The following NINL variants were observed in gnomAD, a reference collection of about 807,000 sequenced individuals.
NINL encodes the protein ninein-like protein.
Under a neutral mutation model 160.3 loss-of-function variants are expected in NINL, and 153 were observed. The ratio of observed to expected loss-of-function variants is 0.95; its 90% CI spans 0.84 to 1.09. The LOEUF is 1.09. NINL is among the 50% of genes least tolerant of loss of function. The pLI is 0.00. For synonymous variants in NINL, 800 were observed against 734.8 expected (o/e 1.09, Z -1.43); for missense variants, 1,829 against 1,764.0 (o/e 1.04, Z -0.66).
intron 1 of NINL, among the ~76,000 whole-genome samples, chr20:25,532,294 G>A (rs1193867635): frequency 6.6e-6 from 1 of 152,212 alleles, no homozygotes; most frequent in Non-Finnish European, 1.5e-5. Context: ...TTTCGAGGCT[G>A]GGCTAGGATT....
intron 1 of NINL, among the ~76,000 whole-genome samples, chr20:25,563,989 C>T (rs1438564953): frequency 6.6e-6 from 1 of 152,064 alleles, no homozygotes; most frequent in Non-Finnish European, 1.5e-5. Context: ...GAGACCACGG[C>T]AAGAGGATTG....
Position 25,527,168 on chromosome 20 carries a change from T to C in NINL, c.-11-570A>G, listed in dbSNP as rs545546138. ...AGCATACAATCTGATTTTTTTTTTT[T>C]TGGGAGACAGGGTCTTGCTCTATTG... On this transcript the variant is annotated intron_variant, in intron 1 of 23. Transcript: ENST00000278886. Among the ~76,000 whole-genome samples the C allele has an allele frequency of 6.6e-5, 10 of 152,270 alleles. No homozygotes were observed. In the East Asian group the frequency reaches 1.9e-3, roughly 29 times the overall value.
At chr20:25,477,979 C>T (rs796440470) in intron 16 of NINL, among the ~76,000 whole-genome samples, 1 of 146,716 alleles carries the variant, frequency 6.8e-6, no homozygotes, top group African/African-American at 2.5e-5. Context: ...AGACGAGTCT[C>T]ACTTTGTGGC....
chr20:25,488,876 C>T (rs1041246694), intron 13 of NINL: 2 of 210,668 alleles, frequency 9.5e-6, no homozygotes, highest in Non-Finnish European at 1.9e-5. Context: ...TCCTTGAGAA[C>T]ATTAAGCGTG....
rs548520498 is a variant in NINL at position 25,475,931 on chromosome 20, C to T, written c.3248+112G>A. 9 of 1,136,518 alleles carry T rather than the reference C, an allele frequency of 7.9e-6. No individual in the cohort carries two copies. The East Asian group carries it at 9.6e-5, about 12-fold the overall frequency. The allele number at this position is 1,136,518 out of a possible 1,614,324, so 70.4% of individuals were successfully genotyped here. A position where few individuals can be genotyped will look rare whatever the true frequency, so the allele number is the denominator to read the frequency against. On this transcript the variant is annotated intron_variant, in intron 17 of 23. Coordinates refer to ENST00000278886, the MANE Select transcript of NINL (RefSeq NM_025176.6). ...GCTACACAGCCCCCATCAGGGGCTG[C>T]GAGCTTGTCGGCAGGAAGGGCCACA...
intron 3 of NINL, among the ~76,000 whole-genome samples, chr20:25,516,077 G>A (rs1408239749): frequency 6.6e-6 from 1 of 152,040 alleles, no homozygotes; most frequent in Non-Finnish European, 1.5e-5. Flanking sequence ...CCCAGCCCAA[G>A]ATCTGGTTGT....
chr20:25,505,569 TA>T (rs1187128804), intron 5 of NINL, among the ~76,000 whole-genome samples: 5 of 152,222 alleles, frequency 3.3e-5, no homozygotes, highest in Non-Finnish European at 7.3e-5. Flanking sequence ...TTGTACACCT[TA>T]AATATATACA....
At chr20:25,454,771 C>T (rs529132510) in intron 23 of NINL, among the ~76,000 whole-genome samples, 3 of 152,314 alleles carry the variant, frequency 2.0e-5, no homozygotes, top group Admixed American at 1.3e-4. Context: ...CACTGCTGCA[C>T]GTCAGTTCCC....
chr20:25,471,948 TC>T (rs2063104256), intron 17 of NINL, among the ~76,000 whole-genome samples: 1 of 152,114 alleles, frequency 6.6e-6, no homozygotes, highest in South Asian at 2.1e-4. Flanking sequence ...CAGAATTCAA[TC>T]CTCTAGAAAC....
In NINL at chr20:25,463,559, G is replaced by C. The variant is rs1601003654; in HGVS notation, c.3424-1018C>G. ...CGGCAGGAAAGTGGCCCTGCGGTCT[G>C]GACCACGGAGGCTCTGCTGTCTGCA... On this transcript the variant is annotated intron_variant, in intron 19 of 23. Coordinates refer to ENST00000278886, the MANE Select transcript of NINL (RefSeq NM_025176.6). Among the ~76,000 whole-genome samples, 3 of 152,220 alleles carry C rather than the reference G, an allele frequency of 2.0e-5. No homozygotes were observed. In the East Asian group the frequency reaches 5.8e-4, roughly 29 times the overall value.
At chr20:25,524,896 C>T (rs570545328) in intron 2 of NINL, among the ~76,000 whole-genome samples, 2 of 143,270 alleles carry the variant, frequency 1.4e-5, no homozygotes, top group African/African-American at 5.2e-5. Flanking sequence ...GAGACAGACT[C>T]AAATTAAAAT....
intron 23 of NINL, 37 bp downstream of exon 23, chr20:25,455,636 G>A: frequency 1.4e-6 from 2 of 1,452,930 alleles, no homozygotes; most frequent in Non-Finnish European, 1.9e-6. Flanking sequence ...GTTCAGAAGA[G>A]GACGTGAACA....
chr20:25,488,017 A>T (rs1476662014), intron 13 of NINL, among the ~76,000 whole-genome samples: 4 of 152,252 alleles, frequency 2.6e-5, no homozygotes, highest in African/African-American at 9.6e-5. Flanking sequence ...AATGCCCCAG[A>T]ACCTGGCAGC....
intron 1 of NINL, chr20:25,540,023 T>C (rs1418054522): frequency 3.9e-6 from 5 of 1,288,624 alleles, no homozygotes; most frequent in Admixed American, 2.3e-5. Context: ...ACTGTTTACC[T>C]GCGCAGTTCA....
At chr20:25,488,061 C>T (rs2063539161) in intron 13 of NINL, among the ~76,000 whole-genome samples, 1 of 152,206 alleles carries the variant, frequency 6.6e-6, no homozygotes, top group African/African-American at 2.4e-5. Context: ...GGGTGGTGGT[C>T]CAACCGCAGG....
At chr20:25,514,857 G>T (rs1424611484) in intron 3 of NINL, among the ~76,000 whole-genome samples, 1 of 152,250 alleles carries the variant, frequency 6.6e-6, no homozygotes, top group Admixed American at 6.5e-5. Flanking sequence ...GAGCCTGCAG[G>T]TGGACGGAGG....
At chr20:25,478,861 T>C (rs1311926318) in intron 16 of NINL, 62 bp downstream of exon 16, 1 of 1,481,108 alleles carries the variant, frequency 6.8e-7, no homozygotes, top group East Asian at 2.3e-5. Context: ...TAAGTCTAAT[T>C]TCAAATTTTG....
At chr20:25,458,853 T>C in intron 21 of NINL, 1 of 315,804 alleles carries the variant, frequency 3.2e-6, no homozygotes, top group Non-Finnish European at 5.8e-6. Context: ...GCCTGATTCT[T>C]TTCAAACAAC....
At chr20:25,477,837 C>T (rs2063296734) in intron 16 of NINL, among the ~76,000 whole-genome samples, 2 of 151,928 alleles carry the variant, frequency 1.3e-5, no homozygotes, top group South Asian at 4.2e-4. Flanking sequence ...CTGGGGTCTG[C>T]AGGGACTCTG....
Sources: allele counts gnomAD v4.1 joint callset (sites outside exome capture counted in the v4.1 genomes callset), GRCh38; gene constraint gnomAD v4.1.1; transcripts MANE v1.5; gene names NCBI Gene and HGNC (gene_info 2026-07-23, HGNC 2026-07-21).